The following ZHX3 variants were observed in gnomAD, a reference collection of about 807,000 sequenced individuals.
ZHX3 encodes the protein zinc fingers and homeoboxes protein 3.
Under a neutral mutation model 64.5 loss-of-function variants are expected in ZHX3, and 20 were observed. That is an observed-to-expected ratio of 0.31 (90% confidence interval 0.22 to 0.45). The LOEUF is 0.45. Among genes scored for constraint, ZHX3 ranks in the 20% least tolerant of loss-of-function variants. ZHX3 has a pLI of 1.00. For synonymous variants in ZHX3, 423 were observed against 461.6 expected, an observed-to-expected ratio of 0.92 and a Z score of 1.07; for missense variants, 1,041 against 1,195.8, an observed-to-expected ratio of 0.87 and a Z score of 1.91.
At position 41,195,525 on chromosome 20, in the gene ZHX3, C is replaced by T. The variant is rs980064842; in HGVS notation, c.2860+6532G>A. 2.0e-5 allele frequency among the ~76,000 whole-genome samples: 3 copies of T among 152,188 alleles called. No homozygotes were observed. Among genetic ancestry groups the T allele is most frequent in the African/African-American group, 7.2e-5 (3 of 41,446 alleles). ...CTGCCTCCTGGGTTCAAATTATTCT[C>T]CTGCCTCAGCCTCCCAAGTAGCTGG... On this transcript the variant is annotated intron_variant, in intron 3 of 3. Coordinates refer to ENST00000683867, the MANE Select transcript of ZHX3 (RefSeq NM_001384317.1). This position sits in a 1 kb window ranked among gnomAD's most constrained non-coding sequence, Gnocchi z 4.2.
intron 2 of ZHX3, among the ~76,000 whole-genome samples, chr20:41,209,462 A>ACCAAAACAGCTACAGT (rs1367875060): frequency 6.6e-6 from 1 of 152,248 alleles, no homozygotes; most frequent in Non-Finnish European, 1.5e-5. Context: ...AGGCTACAGT[A>ACCAAAACAGCTACAGT]ACCAAAACAG....
chr20:41,304,931 G>A (rs1244911023), intron 1 of ZHX3, among the ~76,000 whole-genome samples: 1 of 152,178 alleles, frequency 6.6e-6, no homozygotes, highest in Non-Finnish European at 1.5e-5. Flanking sequence ...CTTGACCAAG[G>A]ACTATGTTAC....
rs983092287 is a variant in ZHX3, at chr20:41,182,952, T to C, written c.*2239A>G. The C allele has an allele frequency of 3.9e-5, 6 of 152,228 alleles. No homozygotes were observed. The allele number at this position is 152,228 out of a possible 1,614,324, so 9.4% of individuals were successfully genotyped here. A position where few individuals can be genotyped will look rare whatever the true frequency, so the allele number is the denominator to read the frequency against. On this transcript the variant is annotated 3_prime_UTR_variant, in exon 4 of 4. Transcript: ENST00000683867. The surrounding 1 kb of genome is among the most constrained non-coding windows in gnomAD (Gnocchi z 6.1). ...ACAGACCAACTCTTCAGCCAGTGCA[T>C]GCAGGGCTCTGGAGGTGATGCCAGC...
At chr20:41,194,024 G>A (rs901193348) in intron 3 of ZHX3, among the ~76,000 whole-genome samples, 4 of 152,122 alleles carry the variant, frequency 2.6e-5, no homozygotes, top group African/African-American at 9.7e-5. Context: ...ATATGATCAT[G>A]TCATCTGTGA....
intron 2 of ZHX3, among the ~76,000 whole-genome samples, chr20:41,260,283 T>C (rs2042493571): frequency 6.6e-6 from 1 of 152,138 alleles, no homozygotes; most frequent in South Asian, 2.1e-4. Context: ...TAGGCATATA[T>C]ATTGCATAGG....
intron 2 of ZHX3, among the ~76,000 whole-genome samples, chr20:41,209,015 GC>G (rs1442503719): frequency 4.6e-5 from 7 of 152,248 alleles, no homozygotes; most frequent in African/African-American, 1.7e-4. Context: ...AAATCAATGT[GC>G]AAAAATCACA....
intron 2 of ZHX3, among the ~76,000 whole-genome samples, chr20:41,266,228 C>T (rs2042837865): frequency 6.6e-6 from 1 of 152,172 alleles, no homozygotes; most frequent in African/African-American, 2.4e-5. Context: ...GAATAAACAT[C>T]ATACTTCATA....
At chr20:41,261,179 GA>G (rs907106106) in intron 2 of ZHX3, among the ~76,000 whole-genome samples, 1 of 151,626 alleles carries the variant, frequency 6.6e-6, no homozygotes, top group Non-Finnish European at 1.5e-5. Context: ...AAGGAAGAGA[GA>G]AAAAAAACTC....
intron 1 of ZHX3, chr20:41,269,294 A>G (rs1429438632): frequency 6.6e-6 from 1 of 152,234 alleles, no homozygotes; most frequent in African/African-American, 2.4e-5. Flanking sequence ...AGCAAACTCA[A>G]TGGTCTCTGA....
intron 2 of ZHX3, among the ~76,000 whole-genome samples, chr20:41,266,937 C>T (rs767233899): frequency 6.6e-6 from 1 of 150,634 alleles, no homozygotes; most frequent in Admixed American, 6.6e-5. Context: ...CTCCGCCTCC[C>T]GGGTTCAAGT....
At chr20:41,189,663 G>A (rs1459311768) in intron 3 of ZHX3, among the ~76,000 whole-genome samples, 1 of 152,088 alleles carries the variant, frequency 6.6e-6, no homozygotes, top group African/African-American at 2.4e-5. Flanking sequence ...TAGAAACTCT[G>A]ATTTTTGTAC....
At chr20:41,246,697 AC>A (rs2041706361) in intron 2 of ZHX3, among the ~76,000 whole-genome samples, 1 of 151,918 alleles carries the variant, frequency 6.6e-6, no homozygotes. Flanking sequence ...ACATGAGGAA[AC>A]CCCATCTCTA....
intron 2 of ZHX3, among the ~76,000 whole-genome samples, chr20:41,244,595 CCTG>C: frequency 6.6e-6 from 1 of 152,198 alleles, no homozygotes; most frequent in East Asian, 1.9e-4. Context: ...CCAGTAGGAC[CCTG>C]ATTGGGAGTA....
chr20:41,248,274 T>C (rs1327298204), intron 2 of ZHX3, among the ~76,000 whole-genome samples: 2 of 152,162 alleles, frequency 1.3e-5, no homozygotes, highest in Non-Finnish European at 2.9e-5. Flanking sequence ...ATTTTTCTAC[T>C]ACTTTGCACC....
At chr20:41,313,864 G>T (rs2045216391) in intron 1 of ZHX3, among the ~76,000 whole-genome samples, 1 of 152,152 alleles carries the variant, frequency 6.6e-6, no homozygotes. Context: ...CCAAAGTGCT[G>T]GGATTACAGG....
Position 41,184,750 on chromosome 20 carries a change from C to T in ZHX3, c.*441G>A. The T allele has an allele frequency of 1.2e-6, 1 of 858,564 alleles. No homozygotes were observed. Among genetic ancestry groups the T allele is most frequent in the East Asian group, 2.7e-5 (1 of 37,104 alleles). The allele number at this position is 858,564 out of a possible 1,614,324, so 53.2% of individuals were successfully genotyped here. On this transcript the variant is annotated 3_prime_UTR_variant, in exon 4 of 4. Transcript: ENST00000683867. ...CTGTGACCCAGCAATCCCCAGAGAA[C>T]AGACACAGGTCATTTTTAGAGATGA... is the stretch of plus-strand genomic sequence containing the variant.
rs1306475968 is a variant in ZHX3 at position 41,224,757 on chromosome 20, C to T, written c.-150-19691G>A. ...ACAGAGGACTTCTGAGCTATCTTCCCCTTTGCCTCTTTGAAATCTACCTTC... is the reference window on the plus strand; with the variant it reads ...ACAGAGGACTTCTGAGCTATCTTCCTCTTTGCCTCTTTGAAATCTACCTTC... On this transcript the variant is annotated intron_variant, in intron 2 of 3. Coordinates refer to ENST00000683867, the MANE Select transcript of ZHX3 (RefSeq NM_001384317.1). The surrounding 1 kb of genome is among the most constrained non-coding windows in gnomAD (Gnocchi z 5.2). Among the ~76,000 whole-genome samples, 1 of 152,220 alleles carries T rather than the reference C, an allele frequency of 6.6e-6. No individual in the cohort carries two copies. The highest frequency in any genetic ancestry group is 1.5e-5 in the Non-Finnish European group (1 of 68,032).
chr20:41,301,608 G>A (rs975555396), intron 1 of ZHX3, among the ~76,000 whole-genome samples: 1 of 151,944 alleles, frequency 6.6e-6, no homozygotes, highest in Admixed American at 6.6e-5. Flanking sequence ...TCTGTCCATC[G>A]AGGCAGGAGC....
At position 41,202,265 on chromosome 20, in the gene ZHX3, A is replaced by C. The variant is rs1016155284; in HGVS notation, c.2652T>G (p.Ala884=). ...MSSQQVKQWF[A]EKMGEETRAV... ...CTCTGGTCTCCTCCCCCATTTTCTC[A>C]GCAAACCACTGCTTGACCTGCTGGG... The change falls in exon 3 of 4, where the codon GCT becomes GCG. Residue 884 remains alanine (A), a synonymous_variant. Coordinates refer to ENST00000683867, the MANE Select transcript of ZHX3 (RefSeq NM_001384317.1). The surrounding 1 kb of genome is among the most constrained non-coding windows in gnomAD (Gnocchi z 7.0). The C allele has an allele frequency of 1.9e-6, 3 of 1,613,818 alleles. No individual in the cohort carries two copies. The highest frequency in any genetic ancestry group is 2.5e-6 in the Non-Finnish European group (3 of 1,179,976).
Sources: gnomAD v4.1 joint callset for allele counts (sites outside exome capture counted in the v4.1 genomes callset) on GRCh38, gnomAD v4.1.1 for gene constraint, Gnocchi (gnomAD v3.1) non-coding constraint, MANE v1.5 for transcripts, NCBI Gene and HGNC (gene_info 2026-07-23, HGNC 2026-07-21) for gene names.